ILRUN: variants seen among roughly 807,000 people sequenced by gnomAD.
ILRUN encodes inflammation and lipid regulator with UBA-like and NBR1-like domains.
A neutral mutation model predicts 33.8 loss-of-function variants in ILRUN; 3 were observed. The ratio of observed to expected loss-of-function variants is 0.09; its 90% CI spans 0.04 to 0.23. The LOEUF is 0.23. Ranked by LOEUF, ILRUN falls within the 10% of genes least tolerant of loss-of-function variation. The pLI, the probability that ILRUN is intolerant of heterozygous loss-of-function variation, is 1.00. For missense variants in ILRUN, 210 were observed against 375.1 expected (o/e 0.56, Z 3.64); for synonymous variants, 124 against 138.9 (o/e 0.89, Z 0.75).
At chr6:34,630,398 T>G (rs1216078959) in intron 3 of ILRUN, among the ~76,000 whole-genome samples, 1 of 152,172 alleles carries the variant, frequency 6.6e-6, no homozygotes, top group Non-Finnish European at 1.5e-5. Context: ...TTTTGTTTTG[T>G]TTTTGAAACA....
rs566355536 is a variant in ILRUN at position 34,617,479 on chromosome 6, C to T, written c.512-10575G>A. Among the ~76,000 whole-genome samples the T allele has an allele frequency of 1.9e-4, 29 of 152,288 alleles. 1 individual carries two copies. The South Asian group carries it at 5.2e-3, about 27-fold the overall frequency. On this transcript the variant is annotated intron_variant, in intron 3 of 4. Transcript: ENST00000374023. ...TCTCAACTTCTAGTCTGCACTGCCA[C>T]ATAATTTACTCAGCACAGTAGCCAC... is the stretch of plus-strand genomic sequence containing the variant.
At chr6:34,612,005 G>A (rs1761764052) in intron 3 of ILRUN, among the ~76,000 whole-genome samples, 1 of 152,180 alleles carries the variant, frequency 6.6e-6, no homozygotes, top group African/African-American at 2.4e-5. Context: ...GACCACAAAT[G>A]TCCCAGAGAA....
At chr6:34,642,028 T>G (rs529511452) in intron 3 of ILRUN, among the ~76,000 whole-genome samples, 3 of 152,200 alleles carry the variant, frequency 2.0e-5, no homozygotes, top group Non-Finnish European at 4.4e-5. Context: ...AAAAAACTCC[T>G]CACTATGAAT....
chr6:34,661,613 T>C (rs889341867), intron 1 of ILRUN, among the ~76,000 whole-genome samples: 1 of 152,130 alleles, frequency 6.6e-6, no homozygotes, highest in Non-Finnish European at 1.5e-5. Flanking sequence ...GAAAGAAACC[T>C]AAAGGTATTT....
chr6:34,614,443 A>AAATATATATAT (rs71000073), intron 3 of ILRUN, among the ~76,000 whole-genome samples: 158 of 133,558 alleles, frequency 1.2e-3, no homozygotes, highest in Middle Eastern at 3.7e-3. Flanking sequence ...AAAAAAAAAA[A>AAATATATATAT]ATATATATAT....
At chr6:34,601,350 T>C (rs1761503233) in intron 4 of ILRUN, among the ~76,000 whole-genome samples, 1 of 152,248 alleles carries the variant, frequency 6.6e-6, no homozygotes, top group Admixed American at 6.5e-5. Context: ...AGGGCCAAGT[T>C]ACACCGATTT....
chr6:34,672,199 T>C (rs1167247923), intron 1 of ILRUN, among the ~76,000 whole-genome samples: 2 of 151,634 alleles, frequency 1.3e-5, no homozygotes, highest in African/African-American at 4.8e-5. Flanking sequence ...GCCTCCCGGG[T>C]TCTCCTGCCT....
intron 1 of ILRUN, 133 bp from the exon 2 acceptor site, chr6:34,654,912 G>A (rs1761712659): frequency 1.4e-5 from 10 of 704,980 alleles, no homozygotes; most frequent in Admixed American, 6.7e-5. Context: ...CGTCTTTAAA[G>A]CCTTCTATTC....
intron 1 of ILRUN, among the ~76,000 whole-genome samples, chr6:34,667,035 T>C (rs1296623571): frequency 6.6e-6 from 1 of 151,822 alleles, no homozygotes; most frequent in African/African-American, 2.4e-5. Flanking sequence ...GCCACTCGAA[T>C]ATACATGAAA....
At chr6:34,692,720 G>C (rs1389573613) in intron 1 of ILRUN, among the ~76,000 whole-genome samples, 1 of 152,108 alleles carries the variant, frequency 6.6e-6, no homozygotes, top group African/African-American at 2.4e-5. Context: ...TTGAGCCCAA[G>C]AGTTCAAGAC....
intron 1 of ILRUN, among the ~76,000 whole-genome samples, chr6:34,675,238 G>A (rs1763203695): frequency 6.6e-6 from 1 of 152,088 alleles, no homozygotes; most frequent in African/African-American, 2.4e-5. Context: ...CTGAGATGGC[G>A]CCACTGCACT....
intron 1 of ILRUN, among the ~76,000 whole-genome samples, chr6:34,694,510 C>T (rs1763713560): frequency 6.6e-6 from 1 of 152,182 alleles, no homozygotes; most frequent in Non-Finnish European, 1.5e-5. Flanking sequence ...TCAGTGTGTT[C>T]AATAACCCAT....
intron 1 of ILRUN, among the ~76,000 whole-genome samples, chr6:34,656,219 G>A (rs907364730): frequency 7.1e-6 from 1 of 140,714 alleles, no homozygotes; most frequent in African/African-American, 2.7e-5. Flanking sequence ...CCAGGCAACA[G>A]TGCCAGACTC....
intron 2 of ILRUN, among the ~76,000 whole-genome samples, chr6:34,651,749 TTA>T (rs202130755): frequency 8.6e-5 from 12 of 139,698 alleles, no homozygotes; most frequent in East Asian, 4.1e-4. Flanking sequence ...AAAAAAAAAA[TTA>T]TATATATATA....
At chr6:34,623,068 G>A (rs996536265) in intron 3 of ILRUN, among the ~76,000 whole-genome samples, 6 of 152,150 alleles carry the variant, frequency 3.9e-5, no homozygotes, top group Non-Finnish European at 7.4e-5. Context: ...GTAGAATGGC[G>A]GTTTCCAATG....
intron 3 of ILRUN, among the ~76,000 whole-genome samples, chr6:34,638,671 T>C (rs1179833983): frequency 6.6e-6 from 1 of 151,858 alleles, no homozygotes; most frequent in Non-Finnish European, 1.5e-5. Context: ...CACCACTGCA[T>C]TCCAGCCTGG....
chr6:34,691,966 CTTTTA>C (rs906464268), intron 1 of ILRUN, among the ~76,000 whole-genome samples: 44 of 152,138 alleles, frequency 2.9e-4, no homozygotes, highest in African/African-American at 9.9e-4. Flanking sequence ...TCAGGTTTTA[CTTTTA>C]TTTTATTTTT....
At chr6:34,683,430 A>ATG (rs1763423204) in intron 1 of ILRUN, among the ~76,000 whole-genome samples, 12 of 78,798 alleles carry the variant, frequency 1.5e-4, no homozygotes, top group African/African-American at 3.8e-4. Flanking sequence ...ATATATATAC[A>ATG]TATATATATA....
chr6:34,594,611 A>G (rs1369294106), intron 4 of ILRUN, among the ~76,000 whole-genome samples: 1 of 152,166 alleles, frequency 6.6e-6, no homozygotes, highest in Non-Finnish European at 1.5e-5. Flanking sequence ...AGCTTTCCCT[A>G]AGCTTTCACT....
Sources: gnomAD v4.1 joint callset for allele counts (sites outside exome capture counted in the v4.1 genomes callset) on GRCh38, gnomAD v4.1.1 for gene constraint, MANE v1.5 for transcripts, NCBI Gene and HGNC (gene_info 2026-07-23, HGNC 2026-07-21) for gene names.